GSDMC: variants seen among roughly 807,000 people sequenced by gnomAD.
The protein encoded by GSDMC is gasdermin C.
In GSDMC, 59 loss-of-function variants were observed where a neutral mutation model predicts 58.0. That is an observed-to-expected ratio of 1.02 (90% CI 0.82 to 1.26). GSDMC has a LOEUF of 1.26. GSDMC is among the 50% of genes most tolerant of loss of function. GSDMC has a pLI of 0.00. For missense variants in GSDMC, 659 were observed against 598.5 expected (o/e 1.10, Z -1.06); for synonymous variants, 241 against 220.2 (o/e 1.09, Z -0.83).
chr8:129,781,637 C>T (rs2034416769), intron 1 of GSDMC, among the ~76,000 whole-genome samples: 2 of 151,838 alleles, frequency 1.3e-5, no homozygotes, highest in Admixed American at 6.6e-5. Context: ...CCCAGTTACT[C>T]AGGAGGCTGA....
At chr8:129,757,138 C>T (rs1020928455) in intron 6 of GSDMC, among the ~76,000 whole-genome samples, 1 of 149,424 alleles carries the variant, frequency 6.7e-6, no homozygotes, top group Non-Finnish European at 1.5e-5. Flanking sequence ...AAAAGATATA[C>T]AAAATTGACA....
At chr8:129,746,776 A>C, downstream of GSDMC, among the ~76,000 whole-genome samples, 1 of 152,212 alleles carries the variant, frequency 6.6e-6, no homozygotes, top group South Asian at 2.1e-4. Flanking sequence ...GACTGAGGGC[A>C]AGAAGGTGTT....
chr8:129,714,962 T>C, the GSDMC span, among the ~76,000 whole-genome samples: 3 of 152,186 alleles, frequency 2.0e-5, no homozygotes, highest in Non-Finnish European at 4.4e-5. Context: ...GTAATAGACA[T>C]AATATACATG....
downstream of GSDMC, among the ~76,000 whole-genome samples, chr8:129,743,905 A>T (rs1390008137): frequency 1.3e-5 from 2 of 152,214 alleles, no homozygotes; most frequent in Admixed American, 1.3e-4. Flanking sequence ...TATCTGCCAG[A>T]ACCAGTCAAG....
the GSDMC span, among the ~76,000 whole-genome samples, chr8:129,724,523 T>A: frequency 6.6e-6 from 1 of 151,608 alleles, no homozygotes; most frequent in Non-Finnish European, 1.5e-5. Context: ...TACAAACTCC[T>A]GGAAGGCAGG....
Position 129,750,017 on chromosome 8 carries a change from T to TGG in GSDMC, c.1184_1185dup (p.Ile396ProfsTer9), listed in dbSNP as rs1473155649. 1.2e-6 allele frequency: 2 copies of TGG among 1,609,602 alleles called. No individual in the cohort carries two copies. Among genetic ancestry groups the TGG allele is most frequent in the Admixed American group, 1.7e-5 (1 of 59,086 alleles). ...ATTATGGCTTCAAGGAGATAAAGAA[T>TGG]GGGGTCCTTTGGGTTAAACCATGCA... is the stretch of plus-strand genomic sequence containing the variant. On this transcript the variant is annotated frameshift_variant, in exon 12 of 14. Coordinates refer to ENST00000276708, the MANE Select transcript of GSDMC (RefSeq NM_031415.3). LOFTEE classifies it high-confidence loss of function.
chr8:129,739,535 A>AATG, the GSDMC span, among the ~76,000 whole-genome samples: 1 of 152,176 alleles, frequency 6.6e-6, no homozygotes, highest in Non-Finnish European at 1.5e-5. Context: ...CATTTCTGAC[A>AATG]ATGACAGGCC....
the GSDMC span, among the ~76,000 whole-genome samples, chr8:129,713,118 T>C: frequency 6.6e-6 from 1 of 152,234 alleles, no homozygotes; most frequent in Non-Finnish European, 1.5e-5. Context: ...ATGAGCTCAC[T>C]ATGGACTAAA....
At chr8:129,718,539 C>T in the GSDMC span, among the ~76,000 whole-genome samples, 5 of 152,164 alleles carry the variant, frequency 3.3e-5, no homozygotes, top group Non-Finnish European at 2.9e-5. Context: ...ACAACAGATG[C>T]TGGAGAGGAT....
intron 3 of GSDMC, among the ~76,000 whole-genome samples, chr8:129,774,151 A>G (rs771285744): frequency 2.9e-4 from 44 of 152,348 alleles, no homozygotes; most frequent in Admixed American, 5.9e-4. Flanking sequence ...ATTTCAAAGT[A>G]TATTACAAAG....
downstream of GSDMC, among the ~76,000 whole-genome samples, chr8:129,743,924 AT>A (rs2032914243): frequency 2.6e-5 from 4 of 152,176 alleles, no homozygotes; most frequent in Admixed American, 2.6e-4. Context: ...AGCTCTAGAA[AT>A]TTTGCAGGCT....
At chr8:129,760,450 C>T (rs1466775982) in intron 6 of GSDMC, 95 bp downstream of exon 6, 1 of 685,124 alleles carries the variant, frequency 1.5e-6, no homozygotes, top group Admixed American at 2.4e-5. Flanking sequence ...ACATTGCATG[C>T]CTGTATCAAA....
chr8:129,750,304 C>T (rs2033132176), intron 11 of GSDMC, 127 bp downstream of exon 11: 4 of 1,124,144 alleles, frequency 3.6e-6, no homozygotes, highest in Non-Finnish European at 5.0e-6. Flanking sequence ...GCACCAGAGT[C>T]CCCAGTCTTT....
downstream of GSDMC, among the ~76,000 whole-genome samples, chr8:129,744,028 A>G (rs995119830): frequency 6.6e-6 from 1 of 152,172 alleles, no homozygotes; most frequent in African/African-American, 2.4e-5. Flanking sequence ...AAGGTACCCT[A>G]TGTAAGTTAC....
At chr8:129,784,313 G>A (rs1158218855) in intron 1 of GSDMC, among the ~76,000 whole-genome samples, 1 of 152,058 alleles carries the variant, frequency 6.6e-6, no homozygotes, top group African/African-American at 2.4e-5. Flanking sequence ...AGAACCCACA[G>A]AATGGGAGAA....
chr8:129,752,153 A>T lies in GSDMC; in HGVS notation c.845-6T>A. ...TTGCTGTGTCAGAAATAGCTCTGGAAAGAGAAAGAAAAGTGTTTACTCACC... is the reference window on the plus strand; with the variant it reads ...TTGCTGTGTCAGAAATAGCTCTGGATAGAGAAAGAAAAGTGTTTACTCACC... On this transcript the variant is annotated splice_region_variant and splice_polypyrimidine_tract_variant and intron_variant, in intron 7 of 13. Coordinates refer to ENST00000276708, the MANE Select transcript of GSDMC (RefSeq NM_031415.3). 2 of 1,611,356 alleles carry T rather than the reference A, an allele frequency of 1.2e-6. No individual in the cohort carries two copies. The highest frequency in any genetic ancestry group is 1.7e-6 in the Non-Finnish European group (2 of 1,177,618).
chr8:129,718,124 A>G, the GSDMC span, among the ~76,000 whole-genome samples: 9 of 152,226 alleles, frequency 5.9e-5, no homozygotes, highest in Non-Finnish European at 1.2e-4. Context: ...CAAAGACTTC[A>G]TGACTAAAAC....
intron 1 of GSDMC, among the ~76,000 whole-genome samples, chr8:129,784,508 AGTT>A (rs1401608674): frequency 6.6e-6 from 1 of 152,188 alleles, no homozygotes; most frequent in East Asian, 1.9e-4. Flanking sequence ...CAACATTATT[AGTT>A]ATCAGAAAAA....
chr8:129,772,035 C>T (rs748343913), intron 3 of GSDMC, among the ~76,000 whole-genome samples: 2 of 152,038 alleles, frequency 1.3e-5, no homozygotes, highest in South Asian at 2.1e-4. Context: ...GAGGCCAAGG[C>T]GGGCAGATCA....
Sources: allele counts gnomAD v4.1 joint callset (sites outside exome capture counted in the v4.1 genomes callset), GRCh38; gene constraint gnomAD v4.1.1; transcripts MANE v1.5; gene names NCBI Gene and HGNC (gene_info 2026-07-23, HGNC 2026-07-21).